Variants in RAB36 observed in about 807,000 individuals in gnomAD.
RAB36 encodes ras-related protein Rab-36.
A neutral mutation model predicts 39.3 loss-of-function variants in RAB36; 33 were observed. The ratio of observed to expected loss-of-function variants is 0.84; its 90% CI spans 0.64 to 1.12. The LOEUF is 1.12. Among genes scored for constraint, RAB36 ranks in the 50% most tolerant of loss-of-function variants. The pLI is 0.00. For synonymous variants in RAB36, 133 were observed against 140.2 expected, an observed-to-expected ratio of 0.95 and a Z score of 0.36; for missense variants, 308 against 355.3, an observed-to-expected ratio of 0.87 and a Z score of 1.07.
At chr22:23,157,163 C>T (rs915548819) in intron 6 of RAB36, among the ~76,000 whole-genome samples, 6 of 152,162 alleles carry the variant, frequency 3.9e-5, no homozygotes, top group South Asian at 2.1e-4. Context: ...CACCTGGCTC[C>T]CCGGAAGTTG....
intron 2 of RAB36, among the ~76,000 whole-genome samples, chr22:23,147,781 T>A (rs1240795987): frequency 6.6e-6 from 1 of 152,174 alleles, no homozygotes; most frequent in Non-Finnish European, 1.5e-5. Flanking sequence ...AAACAAGTAA[T>A]GCTTCCTGGC....
At position 23,165,271 on chromosome 22, in the gene RAB36, A is replaced by G. The variant is rs2072019543; in HGVS notation, c.*3707A>G. 6.6e-6 allele frequency among the ~76,000 whole-genome samples: 1 copy of G among 152,244 alleles called. No homozygotes were observed. The highest frequency in any genetic ancestry group is 2.4e-5 in the African/African-American group (1 of 41,464). On this transcript the variant is annotated 3_prime_UTR_variant, in exon 11 of 11. Coordinates refer to ENST00000263116, the MANE Select transcript of RAB36 (RefSeq NM_004914.5). ...CAGCAGACAGATTGCACTCTGACCC[A>G]GATGCCACCACACGAAACTTACACC...
downstream of RAB36, among the ~76,000 whole-genome samples, chr22:23,168,224 C>G (rs1388738765): frequency 6.6e-6 from 1 of 152,178 alleles, no homozygotes; most frequent in South Asian, 2.1e-4. Context: ...GGGCATAAGC[C>G]CTGGGTCCAC....
At chr22:23,167,698 T>C (rs1038291826), downstream of RAB36, among the ~76,000 whole-genome samples, 90 of 151,216 alleles carry the variant, frequency 6.0e-4, no homozygotes, top group African/African-American at 2.1e-3. Flanking sequence ...TTAACTCTTT[T>C]TTTAATTAAT....
rs899419888 is a variant in RAB36 at position 23,165,393 on chromosome 22, G to A, written c.*3829G>A. ...AAACCCCAGTCCTGTCTGACCCAGA[G>A]ACCCTCACAGGGCATCAGCCAGTGA... is the stretch of plus-strand genomic sequence containing the variant. On this transcript the variant is annotated 3_prime_UTR_variant, in exon 11 of 11. Transcript: ENST00000263116. Among the ~76,000 whole-genome samples the A allele has an allele frequency of 1.3e-5, 2 of 152,194 alleles. No individual in the cohort carries two copies. Among genetic ancestry groups the A allele is most frequent in the African/African-American group, 4.8e-5 (2 of 41,438 alleles).
At chr22:23,157,172 T>A (rs796221147) in intron 6 of RAB36, among the ~76,000 whole-genome samples, 2 of 152,228 alleles carry the variant, frequency 1.3e-5, no homozygotes, top group African/African-American at 2.4e-5. Context: ...CCCCGGAAGT[T>A]GTTTCGCTAA....
At chr22:23,153,489 G>A (rs5759604) in intron 5 of RAB36, 218,271 of 869,552 alleles carry the variant, frequency 0.25, 28,308 homozygotes, top group East Asian at 0.35. Context: ...GTGGCCTCCC[G>A]CAGGTTGCTG....
chr22:23,146,946 A>G (rs2070810814), intron 2 of RAB36, among the ~76,000 whole-genome samples: 1 of 152,126 alleles, frequency 6.6e-6, no homozygotes, highest in Non-Finnish European at 1.5e-5. Flanking sequence ...TGAATCCTTC[A>G]TTCTGATTCT....
intron 5 of RAB36, 111 bp from the exon 6 acceptor site, chr22:23,155,844 GAAGCCCATGCAGC>G: frequency 3.7e-6 from 3 of 809,762 alleles, no homozygotes; most frequent in Non-Finnish European, 5.6e-6. Context: ...GGCACTTCCT[GAAGCCCATGCAGC>G]TGGCACAGGC....
chr22:23,149,187 G>A (rs1293975673), intron 2 of RAB36, among the ~76,000 whole-genome samples: 2 of 118,054 alleles, frequency 1.7e-5, no homozygotes, highest in East Asian at 5.9e-4. Context: ...GGTGGCTGTG[G>A]CTGTGCAGGG....
downstream of RAB36, among the ~76,000 whole-genome samples, chr22:23,168,496 C>CCACA (rs113522216): frequency 6.6e-6 from 1 of 151,782 alleles, no homozygotes; most frequent in Admixed American, 6.6e-5. Context: ...CCGCTCCCCG[C>CCACA]CACACACACA....
chr22:23,150,437 G>A (rs1157079135), intron 3 of RAB36, among the ~76,000 whole-genome samples: 8 of 151,982 alleles, frequency 5.3e-5, no homozygotes, highest in Non-Finnish European at 2.9e-5. Flanking sequence ...GAGTAGCGGG[G>A]ACTACAGGCG....
intron 3 of RAB36, among the ~76,000 whole-genome samples, chr22:23,150,649 G>A (rs2071063373): frequency 6.6e-6 from 1 of 152,106 alleles, no homozygotes; most frequent in Non-Finnish European, 1.5e-5. Context: ...CTGCCATATG[G>A]AACAACTTTC....
chr22:23,161,128 T>G lies in RAB36; in HGVS notation c.739+130T>G, dbSNP rs1364570544. 4 of 1,165,422 alleles carry G rather than the reference T, an allele frequency of 3.4e-6. No individual in the cohort carries two copies. In the Admixed American group the frequency reaches 1.1e-4, roughly 32 times the overall value. The allele number at this position is 1,165,422 out of a possible 1,614,324, so 72.2% of individuals were successfully genotyped here. Reference sequence around the variant, plus strand: ...GCCCTCTCCTGTCCTTTGACCCTCCTCTCAGGGTGTCACTGCAGCCTCAGG... The same window carrying G: ...GCCCTCTCCTGTCCTTTGACCCTCCGCTCAGGGTGTCACTGCAGCCTCAGG... On this transcript the variant is annotated intron_variant, in intron 10 of 10. Transcript: ENST00000263116.
Position 23,159,317 on chromosome 22 carries a change from G to A in RAB36, c.619+64G>A. ...CCTGCTCTTGGGCCAGTCCTGTGGG[G>A]CCTGCCATGCAGTGTTTCCCTCTGT... On this transcript the variant is annotated intron_variant, in intron 9 of 10. Coordinates refer to ENST00000263116, the MANE Select transcript of RAB36 (RefSeq NM_004914.5). 1.4e-6 allele frequency: 2 copies of A among 1,438,572 alleles called. 1 individual carries two copies. The highest frequency in any genetic ancestry group is 2.6e-5 in the South Asian group (2 of 77,802). The allele number at this position is 1,438,572 out of a possible 1,614,324, so 89.1% of individuals were successfully genotyped here. A position where few individuals can be genotyped will look rare whatever the true frequency, so the allele number is the denominator to read the frequency against.
chr22:23,167,048 C>G (rs1342483171), downstream of RAB36, among the ~76,000 whole-genome samples: 6 of 152,088 alleles, frequency 3.9e-5, no homozygotes, highest in Non-Finnish European at 7.4e-5. Context: ...GAGGTGCAGA[C>G]AGCTGAAGAG....
At chr22:23,153,251 C>T in intron 5 of RAB36, 117 bp downstream of exon 5, 2 of 783,010 alleles carry the variant, frequency 2.6e-6, no homozygotes, top group East Asian at 2.5e-5. Flanking sequence ...ACAAGCAGAG[C>T]CTGGGGGTGT....
chr22:23,159,367 G>A, intron 9 of RAB36, 114 bp downstream of exon 9: 1 of 1,041,694 alleles, frequency 9.6e-7, no homozygotes, highest in Non-Finnish European at 1.4e-6. Flanking sequence ...TCCCTCTGTG[G>A]CCCTGGTGCA....
At chr22:23,160,729 G>C in intron 9 of RAB36, 150 bp from the exon 10 acceptor site, 1 of 1,083,810 alleles carries the variant, frequency 9.2e-7, no homozygotes, top group Non-Finnish European at 1.3e-6. Context: ...GGGTGGGGCT[G>C]TGCCCTCCTG....
Sources: gnomAD v4.1 joint callset for allele counts (sites outside exome capture counted in the v4.1 genomes callset) on GRCh38, gnomAD v4.1.1 for gene constraint, MANE v1.5 for transcripts, NCBI Gene and HGNC (gene_info 2026-07-23, HGNC 2026-07-21) for gene names.